ELAVL4: variants seen among roughly 807,000 people sequenced by gnomAD.
ELAVL4 encodes ELAV-like protein 4.
ELAVL4 carries 1 observed loss-of-function variant against 35.6 expected under a neutral mutation model. The observed-to-expected ratio is 0.03, with a 90% confidence interval of 0.01 to 0.13. The LOEUF (loss-of-function observed/expected upper bound fraction) is 0.13, where lower values mean the gene tolerates loss of function less well. Among genes scored for constraint, ELAVL4 ranks in the 10% least tolerant of loss-of-function variants. The probability of loss-of-function intolerance (pLI) is 1.00; values close to 1 mark genes in which losing one functional copy is unlikely to be tolerated. For missense variants in ELAVL4, 267 were observed against 464.9 expected (o/e 0.57, Z 3.91); for synonymous variants, 156 against 171.0 (o/e 0.91, Z 0.69).
At chr1:50,053,774 C>T (rs1663518237) in intron 1 of ELAVL4, among the ~76,000 whole-genome samples, 1 of 152,088 alleles carries the variant, frequency 6.6e-6, no homozygotes, top group Non-Finnish European at 1.5e-5. Context: ...TTAAAAATAA[C>T]CATAATCAAG....
chr1:50,169,754 A>G (rs1253185564), intron 2 of ELAVL4, among the ~76,000 whole-genome samples: 1 of 152,158 alleles, frequency 6.6e-6, no homozygotes, highest in Non-Finnish European at 1.5e-5. Flanking sequence ...GCCCAGCTCA[A>G]ATGTCTCCAC....
intron 1 of ELAVL4, among the ~76,000 whole-genome samples, chr1:50,142,578 G>T (rs997576583): frequency 2.0e-5 from 3 of 152,050 alleles, no homozygotes; most frequent in African/African-American, 7.2e-5. Context: ...CTCTGCTTCA[G>T]ATGAGAAAAT....
At chr1:50,065,939 G>GGCA (rs1207389678) in intron 1 of ELAVL4, among the ~76,000 whole-genome samples, 1 of 151,900 alleles carries the variant, frequency 6.6e-6, no homozygotes, top group Non-Finnish European at 1.5e-5. Context: ...ATGACAGCTG[G>GGCA]GCAGGGTACC....
intron 2 of ELAVL4, 114 bp downstream of exon 2, chr1:50,145,311 G>T: frequency 6.8e-7 from 1 of 1,478,556 alleles, no homozygotes; most frequent in Non-Finnish European, 9.2e-7. Context: ...CATGCAAGAT[G>T]GCATGGATAC....
chr1:50,092,907 G>A (rs757413875), intron 1 of ELAVL4, among the ~76,000 whole-genome samples: 65 of 152,276 alleles, frequency 4.3e-4, no homozygotes, highest in Middle Eastern at 6.8e-3. Context: ...ATTCAATAAG[G>A]ACAAGAGTAA....
chr1:50,141,311 A>C (rs912248922), intron 1 of ELAVL4, among the ~76,000 whole-genome samples: 5 of 152,208 alleles, frequency 3.3e-5, no homozygotes, highest in Non-Finnish European at 7.4e-5. Flanking sequence ...AACCTGAAAA[A>C]GGTAGAAAAC....
chr1:50,140,190 A>G (rs1672586927), intron 1 of ELAVL4, among the ~76,000 whole-genome samples: 1 of 152,210 alleles, frequency 6.6e-6, no homozygotes. Flanking sequence ...GGTCAGCTGC[A>G]AAGTTGGCTG....
upstream of ELAVL4, chr1:50,106,429 T>C (rs747291114): frequency 6.5e-7 from 1 of 1,535,564 alleles, no homozygotes; most frequent in South Asian, 1.1e-5. Flanking sequence ...AGCCCCACAG[T>C]GCTGGGATAT....
chr1:50,157,939 G>A (rs1285726358), intron 2 of ELAVL4, among the ~76,000 whole-genome samples: 1 of 152,178 alleles, frequency 6.6e-6, no homozygotes, highest in Non-Finnish European at 1.5e-5. Flanking sequence ...ATCTGTGTCT[G>A]CTAAGGGAAT....
At chr1:50,154,941 TGG>T (rs1447238212) in intron 2 of ELAVL4, among the ~76,000 whole-genome samples, 11 of 152,102 alleles carry the variant, frequency 7.2e-5, no homozygotes, top group African/African-American at 2.7e-4. Flanking sequence ...GGATATAGAA[TGG>T]TAAAAGGAGA....
At chr1:50,134,422 A>C (rs1001586576) in intron 1 of ELAVL4, among the ~76,000 whole-genome samples, 15 of 152,168 alleles carry the variant, frequency 9.9e-5, no homozygotes, top group Non-Finnish European at 2.2e-4. Flanking sequence ...TCCCATCACA[A>C]CTGGTTCCCA....
chr1:50,085,534 G>T (rs941850421), intron 1 of ELAVL4, among the ~76,000 whole-genome samples: 2 of 152,198 alleles, frequency 1.3e-5, no homozygotes, highest in Admixed American at 1.3e-4. Context: ...GCTAGGCCTA[G>T]AGGTAGCCAT....
chr1:50,187,831 C>G (rs894129439), intron 3 of ELAVL4, among the ~76,000 whole-genome samples: 1 of 152,168 alleles, frequency 6.6e-6, no homozygotes. Flanking sequence ...CATGGTGGCT[C>G]TCATCTGTAA....
intron 1 of ELAVL4, among the ~76,000 whole-genome samples, chr1:50,126,544 G>A (rs1669954874): frequency 6.6e-6 from 1 of 152,102 alleles, no homozygotes; most frequent in Non-Finnish European, 1.5e-5. Flanking sequence ...GCTCTGGTGA[G>A]AGCAACTGGA....
At chr1:50,114,387 T>C (rs973491126) in intron 1 of ELAVL4, among the ~76,000 whole-genome samples, 3 of 152,004 alleles carry the variant, frequency 2.0e-5, no homozygotes, top group Admixed American at 6.6e-5. Flanking sequence ...ATTAGGAACA[T>C]CCTTATATTT....
intron 1 of ELAVL4, among the ~76,000 whole-genome samples, chr1:50,049,592 A>G (rs1338317256): frequency 6.6e-6 from 1 of 152,194 alleles, no homozygotes; most frequent in Non-Finnish European, 1.5e-5. Flanking sequence ...GTGACAGTAC[A>G]ATGCTGCGCG....
At chr1:50,163,525 C>A (rs528345237) in intron 2 of ELAVL4, among the ~76,000 whole-genome samples, 1 of 152,160 alleles carries the variant, frequency 6.6e-6, no homozygotes, top group African/African-American at 2.4e-5. Context: ...GGAGTTGGTA[C>A]TAGAAAACCC....
intron 1 of ELAVL4, among the ~76,000 whole-genome samples, chr1:50,117,213 C>T (rs1414604141): frequency 2.0e-5 from 3 of 152,088 alleles, no homozygotes; most frequent in Admixed American, 1.3e-4. Flanking sequence ...ATCTTAAAAG[C>T]AACCTGCTTA....
chr1:50,135,194 A>C (rs541363241), intron 1 of ELAVL4, among the ~76,000 whole-genome samples: 8 of 152,230 alleles, frequency 5.3e-5, no homozygotes, highest in Admixed American at 2.0e-4. Context: ...GCTGTTTGAA[A>C]GAAGGGATGC....
Sources: allele counts gnomAD v4.1 joint callset (sites outside exome capture counted in the v4.1 genomes callset), GRCh38; gene constraint gnomAD v4.1.1; transcripts MANE v1.5; gene names NCBI Gene and HGNC (gene_info 2026-07-23, HGNC 2026-07-21).